Variants in BCLAF3 observed in about 807,000 individuals in gnomAD.
BCLAF3 encodes the protein transient octamer binding factor 1.
A neutral mutation model predicts 51.2 loss-of-function variants in BCLAF3; 24 were observed. That is an observed-to-expected ratio of 0.47 (90% CI 0.34 to 0.66). The LOEUF (loss-of-function observed/expected upper bound fraction) is 0.66. Among genes scored for constraint, BCLAF3 ranks in the 30% least tolerant of loss-of-function variants. The probability of loss-of-function intolerance (pLI) is 0.01; values close to 1 mark genes in which losing one functional copy is unlikely to be tolerated. For synonymous variants in BCLAF3, 152 were observed against 176.6 expected, an observed-to-expected ratio of 0.86 and a Z score of 1.10; for missense variants, 465 against 525.1, an observed-to-expected ratio of 0.89 and a Z score of 1.12.
At chrX:19,918,030 G>C (rs895899305) in intron 11 of BCLAF3, 1 of 110,649 alleles carries the variant, frequency 9.0e-6, no homozygotes, top group African/African-American at 3.3e-5. Flanking sequence ...CATTTTTTAG[G>C]GACATTAAAA....
intron 2 of BCLAF3, among the ~76,000 whole-genome samples, chrX:19,967,477 C>A (rs2072098406): frequency 8.9e-6 from 1 of 111,820 alleles, no homozygotes; most frequent in Non-Finnish European, 1.9e-5. Context: ...ATGGAACTAC[C>A]TTCTCCATAC....
At chrX:19,927,488 C>T (rs1378018409) in intron 11 of BCLAF3, among the ~76,000 whole-genome samples, 1 of 112,010 alleles carries the variant, frequency 8.9e-6, no homozygotes, top group Non-Finnish European at 1.9e-5. Flanking sequence ...TTTAAGAAAA[C>T]ATTTATGATT....
chrX:19,926,098 G>C (rs2070346548), intron 11 of BCLAF3, among the ~76,000 whole-genome samples: 1 of 111,685 alleles, frequency 9.0e-6, no homozygotes, highest in African/African-American at 3.3e-5. Context: ...AAAACTCCAT[G>C]TCAAAGTGGC....
chrX:19,966,704 A>G, intron 2 of BCLAF3, 55 bp from the exon 3 acceptor site: 6 of 1,024,616 alleles, frequency 5.9e-6, no homozygotes, highest in Non-Finnish European at 8.0e-6. Flanking sequence ...AGCGTGTCTC[A>G]ATATGACCTA....
At chrX:19,968,633 A>G (rs2072142619) in intron 2 of BCLAF3, among the ~76,000 whole-genome samples, 1 of 112,994 alleles carries the variant, frequency 8.9e-6, no homozygotes, top group South Asian at 3.6e-4. Flanking sequence ...CTGAGTAATA[A>G]AGGCCTTTGT....
intron 4 of BCLAF3, among the ~76,000 whole-genome samples, chrX:19,964,459 C>A (rs2071975191): frequency 9.0e-6 from 1 of 110,965 alleles, no homozygotes; most frequent in South Asian, 3.8e-4. Context: ...CTGGGAGAAT[C>A]TAGTTGGTTG....
At chrX:19,938,001 C>G (rs1427794848) in intron 8 of BCLAF3, among the ~76,000 whole-genome samples, 2 of 111,485 alleles carry the variant, frequency 1.8e-5, no homozygotes, top group Non-Finnish European at 3.8e-5. Flanking sequence ...GGTCCCCTCA[C>G]TGGCAGAGCT....
chrX:19,935,574 T>A (rs902165623), intron 10 of BCLAF3: 2 of 349,329 alleles, frequency 5.7e-6, no homozygotes, highest in African/African-American at 5.3e-5. Flanking sequence ...TGTGTTTCCA[T>A]GTAATATTTG....
At chrX:19,940,382 T>G (rs1346031849) in intron 8 of BCLAF3, among the ~76,000 whole-genome samples, 13 of 110,276 alleles carry the variant, frequency 1.2e-4, no homozygotes, top group Non-Finnish European at 2.3e-4. Flanking sequence ...ACCCACTAAC[T>G]CATCATCTAG....
chrX:19,953,530 G>A (rs1244862594), intron 6 of BCLAF3, among the ~76,000 whole-genome samples: 1 of 112,208 alleles, frequency 8.9e-6, no homozygotes, highest in Admixed American at 9.5e-5. Context: ...AGTTAGGTAT[G>A]TAAGCATCTT....
chrX:19,989,450 C>T (rs1265104187), intron 1 of BCLAF3, among the ~76,000 whole-genome samples: 2 of 111,771 alleles, frequency 1.8e-5, no homozygotes, highest in Non-Finnish European at 3.8e-5. Flanking sequence ...GAGCCGAGAT[C>T]GTGCCACTAC....
intron 4 of BCLAF3, among the ~76,000 whole-genome samples, chrX:19,962,425 GCC>G (rs1393862108): frequency 8.9e-6 from 1 of 111,921 alleles, no homozygotes; most frequent in Non-Finnish European, 1.9e-5. Flanking sequence ...CAAGCAATTA[GCC>G]TGCCCCGGCC....
chrX:19,976,755 G>A (rs1423951818), intron 1 of BCLAF3, among the ~76,000 whole-genome samples: 2 of 111,960 alleles, frequency 1.8e-5, no homozygotes, highest in African/African-American at 6.5e-5. Flanking sequence ...AAAGGAAACA[G>A]TAAGTCTGTA....
At chrX:19,957,409 C>T (rs143673584) in intron 4 of BCLAF3, among the ~76,000 whole-genome samples, 2,405 of 111,839 alleles carry the variant, frequency 0.022, 27 homozygotes, top group Non-Finnish European at 0.034. Context: ...AAAAAATAGC[C>T]TTTAAAAACA....
chrX:19,961,861 G>C (rs1432873761), intron 4 of BCLAF3, among the ~76,000 whole-genome samples: 1 of 112,163 alleles, frequency 8.9e-6, no homozygotes, highest in Admixed American at 9.5e-5. Context: ...TGCAGGCCCT[G>C]GGCAGGTATT....
chrX:19,971,744 C>T (rs2072265748), intron 1 of BCLAF3, among the ~76,000 whole-genome samples: 1 of 111,676 alleles, frequency 9.0e-6, no homozygotes, highest in South Asian at 3.7e-4. Context: ...GCCATGGGCT[C>T]ATGAATTATC....
At chrX:19,940,524 G>T (rs1290892691) in intron 8 of BCLAF3, among the ~76,000 whole-genome samples, 4 of 110,290 alleles carry the variant, frequency 3.6e-5, no homozygotes, top group African/African-American at 1.3e-4. Flanking sequence ...TGCGGTGTTT[G>T]GTTTTTTGTT....
intron 5 of BCLAF3, chrX:19,954,304 A>G (rs1462374363): frequency 4.3e-6 from 2 of 461,382 alleles, no homozygotes; most frequent in Non-Finnish European, 5.4e-6. Context: ...ATTTCAAACA[A>G]ATACTAAATG....
intron 11 of BCLAF3, among the ~76,000 whole-genome samples, chrX:19,921,545 AATACAAAAATTAGCCAGGAGG>A (rs2070158510): frequency 9.1e-6 from 1 of 109,895 alleles, no homozygotes. Context: ...CTCCACCAAA[AATACAAAAATTAGCCAGGAGG>A]GTGGCGCATG....
Sources: gnomAD v4.1 joint callset for allele counts (sites outside exome capture counted in the v4.1 genomes callset) on GRCh38, gnomAD v4.1.1 for gene constraint, MANE v1.5 for transcripts, NCBI Gene and HGNC (gene_info 2026-07-23, HGNC 2026-07-21) for gene names.